The following PTPN13 variants were observed in gnomAD, a reference collection of about 807,000 sequenced individuals.
PTPN13 encodes protein tyrosine phosphatase non-receptor type 13.
Under a neutral mutation model 284.0 loss-of-function variants are expected in PTPN13, and 191 were observed. The ratio of observed to expected loss-of-function variants is 0.67; its 90% confidence interval spans 0.60 to 0.76. PTPN13 has a LOEUF of 0.76. PTPN13 is among the 30% of genes least tolerant of loss of function. PTPN13 has a pLI of 0.00. For missense variants in PTPN13, 2,797 were observed against 2,939.9 expected (o/e 0.95, Z 1.12); for synonymous variants, 986 against 1,022.3 (o/e 0.96, Z 0.68).
At chr4:86,729,920 C>T (rs750375868) in intron 10 of PTPN13, among the ~76,000 whole-genome samples, 1 of 149,764 alleles carries the variant, frequency 6.7e-6, no homozygotes, top group Non-Finnish European at 1.5e-5. Context: ...GGAGAAGAAG[C>T]ACTCTGGTTT....
At chr4:86,717,151 C>A in intron 9 of PTPN13, 34 bp downstream of exon 9, 3 of 1,398,506 alleles carry the variant, frequency 2.1e-6, no homozygotes, top group Non-Finnish European at 3.0e-6. Context: ...GATACATTTC[C>A]AGTGACCAGT....
chr4:86,662,875 C>T (rs534190410), intron 2 of PTPN13, among the ~76,000 whole-genome samples: 32 of 152,166 alleles, frequency 2.1e-4, no homozygotes, highest in South Asian at 8.3e-4. Context: ...GTTTATAGAA[C>T]GTGTTGGATA....
At chr4:86,775,832 T>C (rs1297807564) in intron 35 of PTPN13, among the ~76,000 whole-genome samples, 180 bp downstream of exon 35, 2 of 152,240 alleles carry the variant, frequency 1.3e-5, no homozygotes, top group Non-Finnish European at 2.9e-5. Flanking sequence ...AAGTGAATAA[T>C]AGAATGGTTA....
Position 86,717,011 on chromosome 4 carries a change from C to T in PTPN13, c.1292-13C>T, listed in dbSNP as rs1733108011. On this transcript the variant is annotated splice_polypyrimidine_tract_variant and intron_variant, in intron 8 of 47. Coordinates refer to ENST00000411767, the MANE Select transcript of PTPN13 (RefSeq NM_080683.3). Reference sequence around the variant, plus strand: ...ATCACCTGTGCCATTATTTCTTTTTCATTCATAATTAGTGAGAAGAAGTGA... The same window carrying T: ...ATCACCTGTGCCATTATTTCTTTTTTATTCATAATTAGTGAGAAGAAGTGA... 1 of 1,581,662 alleles carries T rather than the reference C, an allele frequency of 6.3e-7. No individual in the cohort carries two copies. The highest frequency in any genetic ancestry group is 1.7e-5 in the Admixed American group (1 of 59,246).
chr4:86,653,494 T>A (rs1439280112), intron 2 of PTPN13, among the ~76,000 whole-genome samples: 1 of 146,756 alleles, frequency 6.8e-6, no homozygotes, highest in Non-Finnish European at 1.5e-5. Context: ...GCGCCTCAAC[T>A]CTTTTTTTTT....
chr4:86,710,333 TATTTA>T (rs1472036324), intron 7 of PTPN13, among the ~76,000 whole-genome samples: 1 of 152,206 alleles, frequency 6.6e-6, no homozygotes, highest in Non-Finnish European at 1.5e-5. Context: ...TAAAAGTGGT[TATTTA>T]ATTCTTGTTG....
At chr4:86,678,767 G>T (rs994729963) in intron 3 of PTPN13, among the ~76,000 whole-genome samples, 1 of 151,944 alleles carries the variant, frequency 6.6e-6, no homozygotes, top group Non-Finnish European at 1.5e-5. Flanking sequence ...AAATCTTACG[G>T]TTAATTTCTT....
chr4:86,784,777 G>A (rs1389221359), intron 38 of PTPN13, among the ~76,000 whole-genome samples: 4 of 152,030 alleles, frequency 2.6e-5, no homozygotes, highest in Non-Finnish European at 4.4e-5. Context: ...GATAGCTGCT[G>A]TGTTTTACAG....
intron 2 of PTPN13, among the ~76,000 whole-genome samples, chr4:86,651,419 G>A (rs573998227): frequency 3.5e-4 from 52 of 147,208 alleles, no homozygotes; most frequent in Non-Finnish European, 6.4e-4. Flanking sequence ...CCCTCCCTCC[G>A]TCCTTCCCTC....
intron 21 of PTPN13, 71 bp downstream of exon 21, chr4:86,758,420 T>C: frequency 7.7e-7 from 1 of 1,299,858 alleles, no homozygotes; most frequent in Non-Finnish European, 1.1e-6. Context: ...TAGCATAGCA[T>C]TGGCATTGCA....
intron 7 of PTPN13, among the ~76,000 whole-genome samples, chr4:86,706,954 A>G (rs1318356350): frequency 2.0e-5 from 3 of 151,730 alleles, no homozygotes; most frequent in African/African-American, 7.3e-5. Context: ...TTTATTTTCT[A>G]CCTCTTCAAC....
intron 2 of PTPN13, among the ~76,000 whole-genome samples, chr4:86,648,394 C>T (rs1486880283): frequency 6.6e-6 from 1 of 152,070 alleles, no homozygotes; most frequent in Admixed American, 6.6e-5. Context: ...TCTTTCCCAG[C>T]TTCTAGTAAC....
intron 47 of PTPN13, among the ~76,000 whole-genome samples, chr4:86,812,793 T>C (rs896027525): frequency 6.6e-6 from 1 of 152,038 alleles, no homozygotes; most frequent in Non-Finnish European, 1.5e-5. Flanking sequence ...ACTTTGGCTT[T>C]TCTCTGAGTG....
chr4:86,680,393 CTATCT>C (rs1376194485), intron 3 of PTPN13, among the ~76,000 whole-genome samples: 1 of 141,974 alleles, frequency 7.0e-6, no homozygotes, highest in Non-Finnish European at 1.5e-5. Context: ...ATCTATCTAT[CTATCT>C]ATCTCTATCT....
At chr4:86,814,163 C>A (rs191789104) in intron 47 of PTPN13, among the ~76,000 whole-genome samples, 4 of 151,556 alleles carry the variant, frequency 2.6e-5, no homozygotes, top group Non-Finnish European at 4.4e-5. Flanking sequence ...CGTGCCACGA[C>A]GCCCAGCTAA....
chr4:86,670,827 A>C (rs1289812379), intron 2 of PTPN13, among the ~76,000 whole-genome samples: 1 of 152,216 alleles, frequency 6.6e-6, no homozygotes, highest in African/African-American at 2.4e-5. Context: ...AATAACTAAG[A>C]GGCGGCTTTT....
chr4:86,736,306 T>A (rs1470467742), intron 15 of PTPN13, among the ~76,000 whole-genome samples: 1 of 152,208 alleles, frequency 6.6e-6, no homozygotes, highest in Non-Finnish European at 1.5e-5. Flanking sequence ...AAATAGTACA[T>A]TTACGATCAA....
chr4:86,799,095 T>C lies in PTPN13; in HGVS notation c.6402-6T>C, dbSNP rs1743684040. The C allele has an allele frequency of 6.5e-7, 1 of 1,529,936 alleles. No homozygotes were observed. Among genetic ancestry groups the C allele is most frequent in the Admixed American group, 2.1e-5 (1 of 46,536 alleles). 94.8% of individuals were successfully genotyped at this position (1,529,936 alleles called of 1,614,324 possible). A position where few individuals can be genotyped will look rare whatever the true frequency, so the allele number is the denominator to read the frequency against. ...AAAATGTTTCAAATATGTTTTGTTT[T>C]CATAGCTTAATTCAGAAGCCACAAG... is the stretch of plus-strand genomic sequence containing the variant. On this transcript the variant is annotated splice_polypyrimidine_tract_variant and splice_region_variant and intron_variant, in intron 41 of 47. Transcript: ENST00000411767.
intron 1 of PTPN13, 65 bp downstream of exon 1, chr4:86,594,854 C>CGCTCGT (rs1320432349): frequency 6.6e-6 from 1 of 152,396 alleles, no homozygotes; most frequent in African/African-American, 2.4e-5. Flanking sequence ...AAGTACATTG[C>CGCTCGT]GCTCGTTCTC....
Sources: allele counts gnomAD v4.1 joint callset (sites outside exome capture counted in the v4.1 genomes callset), GRCh38; gene constraint gnomAD v4.1.1; transcripts MANE v1.5; gene names NCBI Gene and HGNC (gene_info 2026-07-23, HGNC 2026-07-21).